EMC10: variants seen among roughly 807,000 people sequenced by gnomAD.
EMC10 encodes the protein UPF0510 protein INM02.
EMC10 carries 40 observed loss-of-function variants against 32.2 expected under a neutral mutation model. The ratio of observed to expected loss-of-function variants is 1.24; its 90% CI spans 0.96 to 1.61. EMC10 has a LOEUF of 1.61. EMC10 is among the 40% of genes most tolerant of loss of function. The probability of loss-of-function intolerance (pLI) is 0.00; values close to 1 mark genes in which losing one functional copy is unlikely to be tolerated. For missense variants in EMC10, 402 were observed against 357.7 expected (o/e 1.12, Z -1.00); for synonymous variants, 178 against 158.4 (o/e 1.12, Z -0.93).
rs765073331 is a variant in EMC10 at position 50,476,636 on chromosome 19, G to A, written c.92G>A (p.Arg31Gln). The stretch of plus-strand genomic sequence containing the variant: ...AGTCGAGCCCGGGGCAGCGGCTGCC[G>A]GGCCGGGACTGGTGCGCGAGGGGTG... The part of the protein sequence containing the change: ...APSRARGSGC[R>Q]AGTGARGAGA... Residue 31 changes from arginine (R) to glutamine (Q), a missense_variant, in exon 1 of 7, where the codon CGG becomes CAG. By Grantham distance (43) the Arg-to-Gln change is conservative. Transcript: ENST00000334976. 4 of 1,546,562 alleles carry A rather than the reference G, an allele frequency of 2.6e-6. No homozygotes were observed. Among genetic ancestry groups the A allele is most frequent in the Admixed American group, 1.9e-5 (1 of 52,246 alleles).
chr19:50,481,877 G>GT (rs767952336), intron 6 of EMC10: 3 of 1,588,272 alleles, frequency 1.9e-6, no homozygotes, highest in Non-Finnish European at 2.6e-6. Flanking sequence ...ATCATCCTGG[G>GT]GGGGGCCGTG....
At chr19:50,478,444 A>G (rs1237815669) in intron 2 of EMC10, among the ~76,000 whole-genome samples, 1 of 151,992 alleles carries the variant, frequency 6.6e-6, no homozygotes, top group Non-Finnish European at 1.5e-5. Flanking sequence ...TCAAACCCAA[A>G]CTTAAATTGC....
At position 50,480,603 on chromosome 19, in the gene EMC10, T is replaced by C. The variant is rs1450307176; in HGVS notation, c.425T>C (p.Leu142Pro). The change falls in exon 5 of 7, where the codon CTG becomes CCG. Residue 142 changes from leucine to proline, a missense_variant. By Grantham distance (98) the Leu-to-Pro change is moderately conservative. Coordinates refer to ENST00000334976, the MANE Select transcript of EMC10 (RefSeq NM_206538.4). The surrounding 1 kb of genome is among the most constrained non-coding windows in gnomAD (Gnocchi z 4.4). The stretch of plus-strand genomic sequence containing the variant: ...CAGTGCTCCCTGGTGGAGTCGCACC[T>C]GTCGGACCAGCTGACCCTGCACGTG... ...VPACSLVESHLSDQLTLHVDV... is the reference protein window; with the variant it reads ...VPACSLVESHPSDQLTLHVDV... The C allele has an allele frequency of 3.2e-6, 5 of 1,562,818 alleles. No homozygotes were observed. Among genetic ancestry groups the C allele is most frequent in the East Asian group, 2.4e-5 (1 of 41,750 alleles).
In EMC10 at chr19:50,481,728, CTG is replaced by C. The variant is rs1287514017; in HGVS notation, c.679-420_679-419del. On this transcript the variant is annotated intron_variant, in intron 6 of 6. Transcript: ENST00000334976. ...AGTCCAACAGTTGTGCTGCAGGGAACTGAGGCCCAGAGGCTGAGCCCTTGCCT... is the reference window on the plus strand; with the variant it reads ...AGTCCAACAGTTGTGCTGCAGGGAACAGGCCCAGAGGCTGAGCCCTTGCCT... 6.9e-6 allele frequency: 5 copies of C among 721,538 alleles called. No homozygotes were observed. In the African/African-American group the frequency reaches 9.0e-5, roughly 13 times the overall value. The allele number at this position is 721,538 out of a possible 1,614,324, so 44.7% of individuals were successfully genotyped here. A position where few individuals can be genotyped will look rare whatever the true frequency, so the allele number is the denominator to read the frequency against.
intron 6 of EMC10, chr19:50,481,875 G>A (rs754075492): frequency 3.8e-6 from 6 of 1,575,292 alleles, no homozygotes; most frequent in African/African-American, 1.4e-5. Context: ...ACATCATCCT[G>A]GGGGGGGCCG....
chr19:50,478,829 C>A (rs921938), intron 2 of EMC10, 128 bp from the exon 3 acceptor site: 468,061 of 666,646 alleles, frequency 0.7, 166,539 homozygotes, highest in African/African-American at 0.92. Context: ...AATGGGGGCC[C>A]AGATGGGGAG....
Position 50,480,877 on chromosome 19 carries a change from G to C in EMC10, c.585-7G>C. ...CTCACCCTTCTCCTCCTCTCCCCTT[G>C]CCCCAGCCCTGAGACGGCGGCCTTC... On this transcript the variant is annotated splice_polypyrimidine_tract_variant and splice_region_variant and intron_variant, in intron 5 of 6. Transcript: ENST00000334976. The surrounding 1 kb of genome is among the most constrained non-coding windows in gnomAD (Gnocchi z 4.4). The C allele has an allele frequency of 6.3e-7, 1 of 1,597,934 alleles. No individual in the cohort carries two copies. Among genetic ancestry groups the C allele is most frequent in the South Asian group, 1.1e-5 (1 of 89,914 alleles).
chr19:50,489,881 C>A lies in EMC10; in HGVS notation c.*7622C>A, dbSNP rs1377189489. On this transcript the variant is annotated 3_prime_UTR_variant, in exon 7 of 7. Coordinates refer to ENST00000334976, the MANE Select transcript of EMC10 (RefSeq NM_206538.4). ...GAGGGAGGAAACGCCGAGCACTGAC[C>A]TGGGGGAGGGGAGTAAAGAGAAGTG... The A allele has an allele frequency of 6.6e-6, 1 of 152,350 alleles. No homozygotes were observed. Among genetic ancestry groups the A allele is most frequent in the African/African-American group, 2.4e-5 (1 of 41,310 alleles). 9.4% of individuals were successfully genotyped at this position (152,350 alleles called of 1,614,324 possible).
chr19:50,478,221 C>T (rs777111312), intron 2 of EMC10, among the ~76,000 whole-genome samples: 1 of 152,222 alleles, frequency 6.6e-6, no homozygotes, highest in Non-Finnish European at 1.5e-5. Flanking sequence ...GTCATCACAG[C>T]AGTAATAATT....
chr19:50,487,234 ATGT>A lies in EMC10; in HGVS notation c.*4979_*4981del, dbSNP rs1978392705. The A allele has an allele frequency of 6.6e-6, 1 of 152,306 alleles. No homozygotes were observed. Among genetic ancestry groups the A allele is most frequent in the Admixed American group, 6.5e-5 (1 of 15,280 alleles). 9.4% of individuals were successfully genotyped at this position (152,306 alleles called of 1,614,324 possible). ...GGTCCCCTCAGTGCTGAGGTGCTTC[ATGT>A]TGTCAGAGGAAGAGTTGGGAAGGGA... is the stretch of plus-strand genomic sequence containing the variant. On this transcript the variant is annotated 3_prime_UTR_variant, in exon 7 of 7. Coordinates refer to ENST00000334976, the MANE Select transcript of EMC10 (RefSeq NM_206538.4).
In EMC10 at chr19:50,484,834, A is replaced by G. The variant is rs1390090380; in HGVS notation, c.*2575A>G. The G allele has an allele frequency of 1.3e-5, 2 of 152,148 alleles. No homozygotes were observed. The highest frequency in any genetic ancestry group is 1.9e-4 in the East Asian group (1 of 5,182). The allele number at this position is 152,148 out of a possible 1,614,324, so 9.4% of individuals were successfully genotyped here. On this transcript the variant is annotated 3_prime_UTR_variant, in exon 7 of 7. Coordinates refer to ENST00000334976, the MANE Select transcript of EMC10 (RefSeq NM_206538.4). ...TGACAGAGTGAGACCCTGTCTCCAG[A>G]ATAGACAAAAGATGCAGTGGAATCC...
Position 50,483,593 on chromosome 19 carries a change from T to TG in EMC10, c.*1335dup, listed in dbSNP as rs2040356379. ...TCTTTTTGTTTTTGAGTCAGGGTCT[T>TG]GCTCTGTTACCCAAGCTGGAGTGCA... is the stretch of plus-strand genomic sequence containing the variant. On this transcript the variant is annotated 3_prime_UTR_variant, in exon 7 of 7. Transcript: ENST00000334976. The TG allele has an allele frequency of 1.3e-5, 2 of 156,290 alleles. No homozygotes were observed. Among genetic ancestry groups the TG allele is most frequent in the Non-Finnish European group, 2.8e-5 (2 of 70,676 alleles). The allele number at this position is 156,290 out of a possible 1,614,324, so 9.7% of individuals were successfully genotyped here. A position where few individuals can be genotyped will look rare whatever the true frequency, so the allele number is the denominator to read the frequency against.
rs1300936011 is a variant in EMC10, at chr19:50,485,717, CT to C, written c.*3459del. The C allele has an allele frequency of 2.0e-5, 3 of 150,776 alleles. No individual in the cohort carries two copies. Among genetic ancestry groups the C allele is most frequent in the Non-Finnish European group, 2.9e-5 (2 of 68,222 alleles). 9.3% of individuals were successfully genotyped at this position (150,776 alleles called of 1,614,324 possible). ...AACATCCCCCCCTCAGTCCATCCCC[CT>C]AATGGAGAGCTTCCTGACACTAGAG... On this transcript the variant is annotated 3_prime_UTR_variant, in exon 7 of 7. Transcript: ENST00000334976.
At position 50,487,555 on chromosome 19, in the gene EMC10, G is replaced by A. The variant is rs766233595; in HGVS notation, c.*5296G>A. On this transcript the variant is annotated 3_prime_UTR_variant, in exon 7 of 7. Coordinates refer to ENST00000334976, the MANE Select transcript of EMC10 (RefSeq NM_206538.4). ...TGTCACAAAGGTCTGTCCACTCCTG[G>A]GCCTCAGGCTTGGGGGCCCTGCTCA... 2.0e-5 allele frequency: 3 copies of A among 152,390 alleles called. No individual in the cohort carries two copies. The highest frequency in any genetic ancestry group is 2.9e-5 in the Non-Finnish European group (2 of 68,172). 9.4% of individuals were successfully genotyped at this position (152,390 alleles called of 1,614,324 possible). A position where few individuals can be genotyped will look rare whatever the true frequency, so the allele number is the denominator to read the frequency against.
At position 50,482,213 on chromosome 19, in the gene EMC10, AGGGTGG is replaced by A. The variant is rs745832642; in HGVS notation, c.762_767del (p.Gly258_Gly259del). On this transcript the variant is annotated inframe_deletion, in exon 7 of 7. Transcript: ENST00000334976. ...TCAGGAGCGCCAGACACCGGGGGCC[AGGGTGG>A]GGGTGGGGGTGGGGGTGGTGGTGGG... 27 of 131,510 alleles carry A rather than the reference AGGGTGG, an allele frequency of 2.1e-4. No individual in the cohort carries two copies. Among genetic ancestry groups the A allele is most frequent in the African/African-American group, 4.8e-4 (2 of 4,208 alleles). The allele number at this position is 131,510 out of a possible 1,614,324, so 8.1% of individuals were successfully genotyped here.
At chr19:50,481,677 G>T in intron 6 of EMC10, 1 of 585,244 alleles carries the variant, frequency 1.7e-6, no homozygotes, top group East Asian at 3.0e-5. Flanking sequence ...TGCCCTGCCT[G>T]AGGGCCTCAC....
rs2040349916 is a variant in EMC10 at position 50,483,128 on chromosome 19, C to T, written c.*869C>T. The T allele has an allele frequency of 2.1e-6, 1 of 469,524 alleles. No homozygotes were observed. The highest frequency in any genetic ancestry group is 4.2e-6 in the Non-Finnish European group (1 of 236,132). 29.1% of individuals were successfully genotyped at this position (469,524 alleles called of 1,614,324 possible). A position where few individuals can be genotyped will look rare whatever the true frequency, so the allele number is the denominator to read the frequency against. ...AGTCTATTTAAAAACATCGACGATA[C>T]ATTGAAATGTGTGAACGTTTTGAAA... On this transcript the variant is annotated 3_prime_UTR_variant, in exon 7 of 7. Transcript: ENST00000334976.
At position 50,480,812 on chromosome 19, in the gene EMC10, C is replaced by T. The variant is rs754977084; in HGVS notation, c.584+50C>T. ...GCTCTTGCCACCTGCCCCGGCCCTT[C>T]CTGGCGGCCTCAGGGTCTCCAGGTC... On this transcript the variant is annotated intron_variant, in intron 5 of 6. Transcript: ENST00000334976. This position sits in a 1 kb window ranked among gnomAD's most constrained non-coding sequence, Gnocchi z 4.4. The T allele has an allele frequency of 1.3e-5, 20 of 1,565,894 alleles. No homozygotes were observed. Among genetic ancestry groups the T allele is most frequent in the Non-Finnish European group, 1.7e-5 (20 of 1,153,076 alleles).
rs1215044740 is a variant in EMC10, at chr19:50,480,010, G to GT, written c.298-100dup. 2.2e-6 allele frequency: 2 copies of GT among 906,802 alleles called. No homozygotes were observed. The highest frequency in any genetic ancestry group is 3.3e-6 in the Non-Finnish European group (2 of 603,394). The allele number at this position is 906,802 out of a possible 1,614,324, so 56.2% of individuals were successfully genotyped here. Reference sequence around the variant, plus strand: ...CTGGGGAGTGTGGGCCGTGAGGTGGGTGGGGCTGGAGAGGGGCCTTCGCGG... The same window carrying GT: ...CTGGGGAGTGTGGGCCGTGAGGTGGGTTGGGGCTGGAGAGGGGCCTTCGCGG... On this transcript the variant is annotated intron_variant, in intron 3 of 6. Transcript: ENST00000334976. The surrounding 1 kb of genome is among the most constrained non-coding windows in gnomAD (Gnocchi z 4.4).
Sources: gnomAD v4.1 joint callset for allele counts (sites outside exome capture counted in the v4.1 genomes callset) on GRCh38, gnomAD v4.1.1 for gene constraint, Gnocchi (gnomAD v3.1) non-coding constraint, MANE v1.5 for transcripts, NCBI Gene and HGNC (gene_info 2026-07-23, HGNC 2026-07-21) for gene names.